The following CEP192 variants were observed in gnomAD, a reference collection of about 807,000 sequenced individuals.
CEP192 encodes centrosomal protein 192.
In CEP192, 151 loss-of-function variants were observed where a neutral mutation model predicts 271.8. That is an observed-to-expected ratio of 0.56 (90% CI 0.49 to 0.64). The LOEUF is 0.64. CEP192 is among the 30% of genes least tolerant of loss of function. The pLI is 0.00. For synonymous variants in CEP192, 995 were observed against 1,076.5 expected (o/e 0.92, Z 1.48); for missense variants, 2,910 against 3,020.5 (o/e 0.96, Z 0.86).
At chr18:13,075,514 C>T (rs1027864100) in intron 30 of CEP192, among the ~76,000 whole-genome samples, 2 of 151,970 alleles carry the variant, frequency 1.3e-5, no homozygotes, top group South Asian at 2.1e-4. Context: ...TGCAGTGAGC[C>T]GAGATTGCGC....
At chr18:13,070,321 T>C (rs2037945538) in intron 27 of CEP192, among the ~76,000 whole-genome samples, 3 of 152,234 alleles carry the variant, frequency 2.0e-5, no homozygotes, top group Admixed American at 1.3e-4. Context: ...GATTGTCTTC[T>C]CTTTTTTTGA....
intron 30 of CEP192, among the ~76,000 whole-genome samples, chr18:13,079,445 G>A (rs930265324): frequency 2.0e-5 from 3 of 152,172 alleles, no homozygotes; most frequent in Admixed American, 6.5e-5. Flanking sequence ...CTTTTGAGAA[G>A]TGTCTGTTCA....
chr18:13,079,345 A>T (rs60015020), intron 30 of CEP192, among the ~76,000 whole-genome samples: 1 of 152,024 alleles, frequency 6.6e-6, no homozygotes, highest in Non-Finnish European at 1.5e-5. Flanking sequence ...GTGTGAGATG[A>T]TATCTCATTG....
chr18:13,001,996 G>A (rs954748056), intron 3 of CEP192, among the ~76,000 whole-genome samples: 12 of 152,230 alleles, frequency 7.9e-5, no homozygotes, highest in African/African-American at 1.2e-4. Context: ...AGAATTGTAG[G>A]CGTGAGCCAC....
rs117671798 is a variant in CEP192 at position 13,016,970 on chromosome 18, C to A, written c.641-218C>A. Reference sequence around the variant, plus strand: ...ATAACATGCCAGGGTCTGTTTCTGTCCTGTCTTCTCAAAGAGGTTAAATAT... The same window carrying A: ...ATAACATGCCAGGGTCTGTTTCTGTACTGTCTTCTCAAAGAGGTTAAATAT... On this transcript the variant is annotated intron_variant, in intron 6 of 44. Coordinates refer to ENST00000506447, the MANE Select transcript of CEP192 (RefSeq NM_032142.4). Among the ~76,000 whole-genome samples the A allele has an allele frequency of 4.1e-3, 625 of 152,194 alleles. 1 individual carries two copies. The highest frequency in any genetic ancestry group is 7.1e-3 in the Non-Finnish European group (480 of 67,996).
At chr18:13,086,703 C>T (rs1292910616) in intron 30 of CEP192, among the ~76,000 whole-genome samples, 1 of 152,190 alleles carries the variant, frequency 6.6e-6, no homozygotes, top group Non-Finnish European at 1.5e-5. Flanking sequence ...ATATTTTACT[C>T]TATAAACTTC....
chr18:13,031,164 G>A (rs2035598571), intron 11 of CEP192, among the ~76,000 whole-genome samples: 1 of 151,932 alleles, frequency 6.6e-6, no homozygotes, highest in Middle Eastern at 3.2e-3. Context: ...ATGCTATGCT[G>A]CAACCCTCAG....
Position 13,120,161 on chromosome 18 carries a change from C to T in CEP192, c.7475+2518C>T, listed in dbSNP as rs185772078. Among the ~76,000 whole-genome samples, 289 of 152,312 alleles carry T rather than the reference C, an allele frequency of 1.9e-3. 1 individual carries two copies. The highest frequency in any genetic ancestry group is 2.8e-3 in the Non-Finnish European group (189 of 68,034). On this transcript the variant is annotated intron_variant, in intron 44 of 44. Coordinates refer to ENST00000506447, the MANE Select transcript of CEP192 (RefSeq NM_032142.4). Reference sequence around the variant, plus strand: ...GAGAAAGAACCTAAACCTATTTCATCACAATAGTGCTACAGATGGCAGAGT... The same window carrying T: ...GAGAAAGAACCTAAACCTATTTCATTACAATAGTGCTACAGATGGCAGAGT...
intron 30 of CEP192, among the ~76,000 whole-genome samples, chr18:13,074,839 GTTAC>G (rs2038189069): frequency 6.6e-6 from 1 of 152,224 alleles, no homozygotes; most frequent in South Asian, 2.1e-4. Flanking sequence ...CCCTGTCTCT[GTTAC>G]TTACCTCTCT....
Position 13,015,317 on chromosome 18 carries a change from G to A in CEP192, c.520-11G>A. On this transcript the variant is annotated splice_polypyrimidine_tract_variant and intron_variant, in intron 5 of 44. Transcript: ENST00000506447. Reference sequence around the variant, plus strand: ...ATGTGCTTCTCTTACTTGCCATTTTGTTTCTTATAGATTGTTGTGCTTGAT... The same window carrying A: ...ATGTGCTTCTCTTACTTGCCATTTTATTTCTTATAGATTGTTGTGCTTGAT... 6.5e-7 allele frequency: 1 copy of A among 1,548,604 alleles called. No homozygotes were observed. Among genetic ancestry groups the A allele is most frequent in the Middle Eastern group, 1.7e-4 (1 of 5,966 alleles).
At chr18:12,993,080 A>G (rs554014683) in intron 1 of CEP192, among the ~76,000 whole-genome samples, 1 of 152,324 alleles carries the variant, frequency 6.6e-6, no homozygotes, top group African/African-American at 2.4e-5. Context: ...ATAAAAAGTG[A>G]TGGGCAACGG....
rs2036635665 is a variant in CEP192, at chr18:13,049,146, T to TA, written c.2362dup (p.Thr788AsnfsTer4). 1.9e-6 allele frequency: 3 copies of TA among 1,613,706 alleles called. No individual in the cohort carries two copies. Among genetic ancestry groups the TA allele is most frequent in the East Asian group, 2.2e-5 (1 of 44,874 alleles). On this transcript the variant is annotated frameshift_variant, in exon 16 of 45. Coordinates refer to ENST00000506447, the MANE Select transcript of CEP192 (RefSeq NM_032142.4). LOFTEE classifies it high-confidence loss of function. Reference sequence around the variant, plus strand: ...ATGCACTTGATATGGAGAAATACCTTAAAAAAACAGAAGTTAGTAGATATG... The same window carrying TA: ...ATGCACTTGATATGGAGAAATACCTTAAAAAAAACAGAAGTTAGTAGATATG...
intron 44 of CEP192, among the ~76,000 whole-genome samples, chr18:13,117,849 G>T (rs1363251781): frequency 6.6e-6 from 1 of 152,160 alleles, no homozygotes; most frequent in Non-Finnish European, 1.5e-5. Flanking sequence ...TGCACTCAGC[G>T]GTGCCACAGT....
intron 40 of CEP192, among the ~76,000 whole-genome samples, chr18:13,106,399 C>T (rs1178532568): frequency 6.7e-6 from 1 of 149,282 alleles, no homozygotes; most frequent in Non-Finnish European, 1.5e-5. Flanking sequence ...ACCACCACTA[C>T]TACCACTCAC....
At chr18:13,070,559 C>T (rs952605103) in intron 27 of CEP192, among the ~76,000 whole-genome samples, 2 of 152,174 alleles carry the variant, frequency 1.3e-5, no homozygotes, top group Non-Finnish European at 1.5e-5. Context: ...GAGTCAGAGC[C>T]CCACTGTCGT....
intron 6 of CEP192, among the ~76,000 whole-genome samples, 181 bp downstream of exon 6, chr18:13,015,629 T>C (rs907632567): frequency 1.3e-4 from 20 of 152,366 alleles, no homozygotes; most frequent in Middle Eastern, 3.4e-3. Context: ...TATTTCTATA[T>C]ATCTATCCTG....
intron 30 of CEP192, among the ~76,000 whole-genome samples, chr18:13,078,809 C>T (rs2038431516): frequency 6.6e-6 from 1 of 152,128 alleles, no homozygotes; most frequent in Admixed American, 6.6e-5. Context: ...AACAGGCCCC[C>T]ATGTGTGTGA....
intron 6 of CEP192, 33 bp downstream of exon 6, chr18:13,015,481 T>C: frequency 6.5e-7 from 1 of 1,546,188 alleles, no homozygotes; most frequent in Non-Finnish European, 8.7e-7. Flanking sequence ...TCCCTGGTCT[T>C]CACCTTGCCA....
At chr18:13,016,691 G>A (rs1219639317) in intron 6 of CEP192, among the ~76,000 whole-genome samples, 1 of 152,176 alleles carries the variant, frequency 6.6e-6, no homozygotes, top group Non-Finnish European at 1.5e-5. Flanking sequence ...CAACTTAGAA[G>A]ACCATGACTG....
Sources: gnomAD v4.1 joint callset for allele counts (sites outside exome capture counted in the v4.1 genomes callset) on GRCh38, gnomAD v4.1.1 for gene constraint, MANE v1.5 for transcripts, NCBI Gene and HGNC (gene_info 2026-07-23, HGNC 2026-07-21) for gene names.